PTK7: variants seen among roughly 807,000 people sequenced by gnomAD.
The protein encoded by PTK7 is inactive tyrosine-protein kinase 7.
A neutral mutation model predicts 116.6 loss-of-function variants in PTK7; 39 were observed. The ratio of observed to expected loss-of-function variants is 0.33; its 90% CI spans 0.26 to 0.44. The LOEUF (loss-of-function observed/expected upper bound fraction) is 0.44, where lower values mean the gene tolerates loss of function less well. Ranked by LOEUF, PTK7 falls within the 20% of genes least tolerant of loss-of-function variation. PTK7 has a pLI of 1.00. For synonymous variants in PTK7, 546 were observed against 563.6 expected, an observed-to-expected ratio of 0.97 and a Z score of 0.44; for missense variants, 1,169 against 1,425.6, an observed-to-expected ratio of 0.82 and a Z score of 2.90.
intron 17 of PTK7, among the ~76,000 whole-genome samples, chr6:43,154,894 C>T (rs1291031871): frequency 6.6e-6 from 1 of 152,226 alleles, no homozygotes; most frequent in Non-Finnish European, 1.5e-5. Flanking sequence ...TTCAGAGAGG[C>T]GGCTGCAGTG....
intron 1 of PTK7, among the ~76,000 whole-genome samples, chr6:43,086,710 G>A (rs1766677407): frequency 6.6e-6 from 1 of 152,090 alleles, no homozygotes; most frequent in South Asian, 2.1e-4. Flanking sequence ...GGTGGTGCAC[G>A]CCTGTAGTCT....
At chr6:43,127,700 C>G (rs969398663) in intron 1 of PTK7, among the ~76,000 whole-genome samples, 1 of 152,192 alleles carries the variant, frequency 6.6e-6, no homozygotes, top group South Asian at 2.1e-4. Context: ...GAGGCCGAGG[C>G]GGGCGGATCA....
intron 1 of PTK7, among the ~76,000 whole-genome samples, chr6:43,104,123 A>G (rs562821536): frequency 1.0e-3 from 158 of 152,336 alleles, no homozygotes; most frequent in African/African-American, 3.7e-3. Flanking sequence ...AGGGAGGGTG[A>G]GTGCCACATG....
chr6:43,079,897 A>C (rs1428450502), intron 1 of PTK7, among the ~76,000 whole-genome samples: 1 of 135,186 alleles, frequency 7.4e-6, no homozygotes, highest in African/African-American at 2.7e-5. Context: ...CCACCTGTAC[A>C]AAAAAAAAAA....
chr6:43,088,180 C>T (rs1007538303), intron 1 of PTK7, among the ~76,000 whole-genome samples: 1 of 152,148 alleles, frequency 6.6e-6, no homozygotes, highest in African/African-American at 2.4e-5. Context: ...GTGGCACGTG[C>T]CTGTGATCCC....
At chr6:43,131,027 CAT>C (rs1491337774) in intron 5 of PTK7, among the ~76,000 whole-genome samples, 1 of 109,328 alleles carries the variant, frequency 9.1e-6, no homozygotes, top group Non-Finnish European at 1.8e-5. Context: ...GTGGCAAAGA[CAT>C]CACACACACA....
chr6:43,124,004 A>T, intron 1 of PTK7, among the ~76,000 whole-genome samples: 1 of 152,154 alleles, frequency 6.6e-6, no homozygotes. Flanking sequence ...GGCAGCAGCA[A>T]AGCTGCACAT....
intron 1 of PTK7, among the ~76,000 whole-genome samples, chr6:43,084,195 A>G (rs192198076): frequency 8.0e-4 from 122 of 152,312 alleles, no homozygotes; most frequent in African/African-American, 2.8e-3. Flanking sequence ...CAGTGGTGCA[A>G]TCACAGCTCA....
chr6:43,139,384 TA>T lies in PTK7; in HGVS notation c.1499-21del, dbSNP rs1358435119. 3 of 1,614,150 alleles carry T rather than the reference TA, an allele frequency of 1.9e-6. No individual in the cohort carries two copies. The highest frequency in any genetic ancestry group is 2.5e-6 in the Non-Finnish European group (3 of 1,180,002). On this transcript the variant is annotated intron_variant, in intron 9 of 19. Transcript: ENST00000230419. The surrounding 1 kb of genome is among the most constrained non-coding windows in gnomAD (Gnocchi z 4.6). ...CAGCGGCCCCAATTCCTCGTCTTTCTACCCACCCTCTGCTGAAACAGAAAAG... is the reference window on the plus strand; with the variant it reads ...CAGCGGCCCCAATTCCTCGTCTTTCTCCCACCCTCTGCTGAAACAGAAAAG...
At chr6:43,114,224 GTCTC>G (rs1417071985) in intron 1 of PTK7, among the ~76,000 whole-genome samples, 2 of 152,186 alleles carry the variant, frequency 1.3e-5, no homozygotes, top group African/African-American at 2.4e-5. Context: ...CTTTGTCTCT[GTCTC>G]TCTATGATTC....
At chr6:43,125,756 C>T (rs1313608750) in intron 1 of PTK7, among the ~76,000 whole-genome samples, 3 of 152,230 alleles carry the variant, frequency 2.0e-5, no homozygotes, top group African/African-American at 7.2e-5. Context: ...AGGTTTACAA[C>T]TCATGACAGC....
chr6:43,159,708 G>T, intron 18 of PTK7, 80 bp from the exon 19 acceptor site: 1 of 1,471,190 alleles, frequency 6.8e-7, no homozygotes, highest in Non-Finnish European at 9.5e-7. Flanking sequence ...TTGGGGATGC[G>T]TTCCAGATGG....
rs764431504 is a variant in PTK7 at position 43,076,510 on chromosome 6, C to G, written c.22C>G (p.Pro8Ala). The G allele has an allele frequency of 6.4e-7, 1 of 1,573,192 alleles. No individual in the cohort carries two copies. Among genetic ancestry groups the G allele is most frequent in the South Asian group, 1.1e-5 (1 of 87,266 alleles). The change falls in exon 1 of 20, where the codon CCG becomes GCG. Residue 8 changes from proline to alanine, a missense_variant. By Grantham distance (27) the Pro-to-Ala change is conservative. Coordinates refer to ENST00000230419, the MANE Select transcript of PTK7 (RefSeq NM_002821.5). This position sits in a 1 kb window ranked among gnomAD's most constrained non-coding sequence, Gnocchi z 5.7. ...CGCGATGGGAGCTGCGCGGGGATCC[C>G]CGGCCAGACCCCGCCGGTTGCCTCT... is the stretch of plus-strand genomic sequence containing the variant. MGAARGS[P>A]ARPRRLPLLS...
At chr6:43,111,575 G>T (rs1473280327) in intron 1 of PTK7, among the ~76,000 whole-genome samples, 1 of 152,168 alleles carries the variant, frequency 6.6e-6, no homozygotes, top group Admixed American at 6.5e-5. Context: ...CTTCCTATGT[G>T]CCAGGCACTG....
intron 1 of PTK7, among the ~76,000 whole-genome samples, chr6:43,101,139 C>G (rs1767551502): frequency 6.6e-6 from 1 of 151,320 alleles, no homozygotes; most frequent in Admixed American, 6.6e-5. Flanking sequence ...AGCTTGAACC[C>G]GGGAGGCGGA....
chr6:43,106,576 G>A (rs964172842), intron 1 of PTK7, among the ~76,000 whole-genome samples: 5 of 151,524 alleles, frequency 3.3e-5, no homozygotes, highest in Admixed American at 1.3e-4. Flanking sequence ...GATTATAGCA[G>A]GCATGAGCCA....
chr6:43,080,719 A>T (rs1433562568), intron 1 of PTK7, among the ~76,000 whole-genome samples: 5 of 152,164 alleles, frequency 3.3e-5, no homozygotes, highest in Non-Finnish European at 1.5e-5. Flanking sequence ...AGGCAGGCGG[A>T]TCACCTGAGG....
intron 1 of PTK7, among the ~76,000 whole-genome samples, chr6:43,124,943 C>T (rs1348443652): frequency 6.6e-6 from 1 of 152,000 alleles, no homozygotes; most frequent in East Asian, 1.9e-4. Context: ...GAGGCCGAGG[C>T]GGGTGGATCA....
At chr6:43,128,895 C>T in intron 1 of PTK7, 82 bp from the exon 2 acceptor site, 7 of 1,432,314 alleles carry the variant, frequency 4.9e-6, no homozygotes, top group Non-Finnish European at 5.7e-6. Context: ...CAGCCCCTTT[C>T]CTCCTGTGCA....
Sources: gnomAD v4.1 joint callset for allele counts (sites outside exome capture counted in the v4.1 genomes callset) on GRCh38, gnomAD v4.1.1 for gene constraint, Gnocchi (gnomAD v3.1) non-coding constraint, MANE v1.5 for transcripts, NCBI Gene and HGNC (gene_info 2026-07-23, HGNC 2026-07-21) for gene names.